Variants in GALNT17 observed in about 807,000 individuals in gnomAD.
GALNT17 encodes polypeptide N-acetylgalactosaminyltransferase 17, also known as UDP-GalNAc:polypeptide N-acetylgalactosaminyltransferase-like 3.
In GALNT17, 29 loss-of-function variants were observed where a neutral mutation model predicts 63.7. The observed-to-expected ratio is 0.46, with a 90% CI of 0.34 to 0.62. GALNT17 has a LOEUF of 0.62. Among genes scored for constraint, GALNT17 ranks in the 20% least tolerant of loss-of-function variants. The probability of loss-of-function intolerance (pLI) is 0.01; values close to 1 mark genes in which losing one functional copy is unlikely to be tolerated. For synonymous variants in GALNT17, 305 were observed against 318.3 expected, an observed-to-expected ratio of 0.96 and a Z score of 0.45; for missense variants, 603 against 799.6, an observed-to-expected ratio of 0.75 and a Z score of 2.97.
intron 1 of GALNT17, among the ~76,000 whole-genome samples, chr7:71,211,739 A>C (rs561127326): frequency 2.7e-4 from 41 of 152,280 alleles, no homozygotes; most frequent in African/African-American, 9.9e-4. Context: ...TGGGAACTGG[A>C]GTAAAGGTGA....
intron 9 of GALNT17, among the ~76,000 whole-genome samples, chr7:71,691,185 A>G (rs946467915): frequency 6.6e-6 from 1 of 151,998 alleles, no homozygotes; most frequent in East Asian, 1.9e-4. Flanking sequence ...TTCAGCAACC[A>G]CCACCCCGCC....
At chr7:71,519,771 T>C (rs1562673581) in intron 5 of GALNT17, among the ~76,000 whole-genome samples, 1 of 152,096 alleles carries the variant, frequency 6.6e-6, no homozygotes, top group Non-Finnish European at 1.5e-5. Flanking sequence ...GCCTAGTATT[T>C]TAAGTTAGAC....
At chr7:71,222,155 C>T (rs936124845) in intron 1 of GALNT17, among the ~76,000 whole-genome samples, 5 of 152,006 alleles carry the variant, frequency 3.3e-5, no homozygotes, top group African/African-American at 1.2e-4. Flanking sequence ...GATCAGCCAG[C>T]CTCAGCCTTC....
intron 1 of GALNT17, among the ~76,000 whole-genome samples, chr7:71,226,060 T>C (rs1789674011): frequency 1.3e-5 from 2 of 152,198 alleles, no homozygotes; most frequent in Non-Finnish European, 2.9e-5. Context: ...TGACTTGCTG[T>C]TTTTCTAGAT....
rs1049655410 is a variant in GALNT17 at position 71,292,678 on chromosome 7, T to A, written c.239-42872T>A. Among the ~76,000 whole-genome samples, 863 of 116,614 alleles carry A rather than the reference T, an allele frequency of 7.4e-3. 10 individuals carry two copies. Among genetic ancestry groups the A allele is most frequent in the African/African-American group, 0.024 (819 of 34,280 alleles). 76.5% of individuals were successfully genotyped at this position (116,614 alleles called of 152,430 possible). A position where few individuals can be genotyped will look rare whatever the true frequency, so the allele number is the denominator to read the frequency against. On this transcript the variant is annotated intron_variant, in intron 1 of 10. Transcript: ENST00000333538. ...CAGAGAGAGAGAGAGAGTGTGTGTGTGTGTGTGTGTGTGTGTGTGTGTGTG... is the reference window on the plus strand; with the variant it reads ...CAGAGAGAGAGAGAGAGTGTGTGTGAGTGTGTGTGTGTGTGTGTGTGTGTG...
chr7:71,305,516 CT>C (rs1369804549), intron 1 of GALNT17, among the ~76,000 whole-genome samples: 1 of 152,196 alleles, frequency 6.6e-6, no homozygotes, highest in African/African-American at 2.4e-5. Context: ...TTCTTAAAAT[CT>C]GGGCTCTCAT....
In GALNT17 at chr7:71,132,164, G is replaced by A. The variant is rs1290065202; in HGVS notation, c.-639G>A. 2.0e-5 allele frequency: 3 copies of A among 152,690 alleles called. No homozygotes were observed. Among genetic ancestry groups the A allele is most frequent in the African/African-American group, 7.2e-5 (3 of 41,472 alleles). The allele number at this position is 152,690 out of a possible 1,614,324, so 9.5% of individuals were successfully genotyped here. A position where few individuals can be genotyped will look rare whatever the true frequency, so the allele number is the denominator to read the frequency against. ...TAATTGAGACTTGAGCGTGACTGCG[G>A]AGCCTGGAGGATGCGGGCTCCCCGA... On this transcript the variant is annotated 5_prime_UTR_variant, in exon 1 of 11. Transcript: ENST00000333538.
chr7:71,221,638 T>G (rs892081430), intron 1 of GALNT17, among the ~76,000 whole-genome samples: 1 of 152,176 alleles, frequency 6.6e-6, no homozygotes, highest in Non-Finnish European at 1.5e-5. Context: ...TAATTGATAG[T>G]GCAGTGGTCA....
At chr7:71,493,254 G>C (rs1383979576) in intron 5 of GALNT17, among the ~76,000 whole-genome samples, 1 of 152,130 alleles carries the variant, frequency 6.6e-6, no homozygotes, top group African/African-American at 2.4e-5. Flanking sequence ...ACCCAGCGTG[G>C]TTCTGCCAGG....
At chr7:71,420,799 T>C (rs1431429585) in intron 4 of GALNT17, 109 bp from the exon 5 acceptor site, 49 of 1,354,326 alleles carry the variant, frequency 3.6e-5, no homozygotes, top group Non-Finnish European at 4.9e-5. Context: ...GTTCCAGCCT[T>C]CCCAAAGCCC....
intron 2 of GALNT17, among the ~76,000 whole-genome samples, chr7:71,337,895 C>G (rs776985799): frequency 6.6e-6 from 1 of 151,546 alleles, no homozygotes; most frequent in Admixed American, 6.6e-5. Context: ...AAACAAACAA[C>G]AACAACAAAA....
chr7:71,402,038 C>G (rs1793250379), intron 3 of GALNT17, among the ~76,000 whole-genome samples: 1 of 152,164 alleles, frequency 6.6e-6, no homozygotes, highest in Non-Finnish European at 1.5e-5. Context: ...AATCCCAGCC[C>G]AAACTTTAGC....
At chr7:71,604,241 C>T (rs1309962387) in intron 6 of GALNT17, among the ~76,000 whole-genome samples, 2 of 120,276 alleles carry the variant, frequency 1.7e-5, no homozygotes, top group Admixed American at 8.0e-5. Flanking sequence ...GGATACTATG[C>T]TAAGTGCGTA....
chr7:71,281,519 A>G (rs552502921), intron 1 of GALNT17, among the ~76,000 whole-genome samples: 4 of 152,332 alleles, frequency 2.6e-5, no homozygotes, highest in South Asian at 4.1e-4. Context: ...CTCATGTGCT[A>G]TGATGTCCCA....
At chr7:71,321,889 T>TC (rs1791615086) in intron 1 of GALNT17, among the ~76,000 whole-genome samples, 1 of 78,152 alleles carries the variant, frequency 1.3e-5, no homozygotes, top group Non-Finnish European at 2.5e-5. Context: ...CTTCCTTCCT[T>TC]CCTTCCTTCC....
At chr7:71,261,956 C>A (rs4717587) in intron 1 of GALNT17, among the ~76,000 whole-genome samples, 1 of 151,968 alleles carries the variant, frequency 6.6e-6, no homozygotes, top group South Asian at 2.1e-4. Flanking sequence ...GGCCCTCTTC[C>A]CGGGAGCCGT....
chr7:71,411,283 G>T (rs1043546593), intron 3 of GALNT17, among the ~76,000 whole-genome samples: 4 of 152,036 alleles, frequency 2.6e-5, no homozygotes, highest in African/African-American at 9.7e-5. Flanking sequence ...ACCACGCCTG[G>T]CTAATTTTTG....
At chr7:71,591,689 G>A (rs984665250) in intron 6 of GALNT17, among the ~76,000 whole-genome samples, 4 of 152,102 alleles carry the variant, frequency 2.6e-5, no homozygotes, top group Non-Finnish European at 5.9e-5. Flanking sequence ...TTGAGACAGA[G>A]TCTTGCTCTG....
intron 3 of GALNT17, among the ~76,000 whole-genome samples, chr7:71,410,162 A>G (rs137921025): frequency 1.3e-5 from 2 of 152,224 alleles, no homozygotes; most frequent in African/African-American, 4.8e-5. Flanking sequence ...CTAAGAAACT[A>G]TGATGAAACA....
Sources: gnomAD v4.1 joint callset for allele counts (sites outside exome capture counted in the v4.1 genomes callset) on GRCh38, gnomAD v4.1.1 for gene constraint, MANE v1.5 for transcripts, NCBI Gene and HGNC (gene_info 2026-07-23, HGNC 2026-07-21) for gene names.